The following UHRF2 variants were observed in gnomAD, a reference collection of about 807,000 sequenced individuals.
The protein encoded by UHRF2 is E3 ubiquitin-protein ligase UHRF2.
In UHRF2, 23 loss-of-function variants were observed where a neutral mutation model predicts 96.8. The ratio of observed to expected loss-of-function variants is 0.24; its 90% CI spans 0.17 to 0.34. The LOEUF (loss-of-function observed/expected upper bound fraction) is 0.34, where lower values mean the gene tolerates loss of function less well. Among genes scored for constraint, UHRF2 ranks in the 10% least tolerant of loss-of-function variants. The pLI, the probability that UHRF2 is intolerant of heterozygous loss-of-function variation, is 1.00. For synonymous variants in UHRF2, 385 were observed against 332.6 expected, an observed-to-expected ratio of 1.16 and a Z score of -1.72; for missense variants, 685 against 981.5, an observed-to-expected ratio of 0.70 and a Z score of 4.04.
intron 2 of UHRF2, among the ~76,000 whole-genome samples, chr9:6,430,906 C>T (rs188361864): frequency 6.6e-6 from 1 of 152,280 alleles, no homozygotes; most frequent in East Asian, 1.9e-4. Flanking sequence ...CACTTAGTTA[C>T]ATCAATAAAT....
chr9:6,461,434 A>T (rs960412436), intron 4 of UHRF2, among the ~76,000 whole-genome samples: 10 of 132,022 alleles, frequency 7.6e-5, no homozygotes, highest in Admixed American at 1.8e-4. Context: ...GTGCAGCGGC[A>T]TGATCTTGGC....
intron 1 of UHRF2, 72 bp downstream of exon 1, chr9:6,413,715 C>T: frequency 1.5e-6 from 2 of 1,374,684 alleles, no homozygotes; most frequent in Non-Finnish European, 1.9e-6. Context: ...ACGCACCGGT[C>T]CGAGGGCTCT....
intron 8 of UHRF2, chr9:6,484,785 C>CTTTTTTTTTTTTTTTTTTTTTTTTTTTA (rs34815980): frequency 1.5e-5 from 1 of 66,278 alleles, no homozygotes; most frequent in Non-Finnish European, 2.7e-5. Context: ...TCACTTCTTT[C>CTTTTTTTTTTTTTTTTTTTTTTTTTTTA]TTTTTTTTTT....
At chr9:6,469,715 C>CAT (rs1213727136) in intron 4 of UHRF2, among the ~76,000 whole-genome samples, 5 of 91,020 alleles carry the variant, frequency 5.5e-5, no homozygotes, top group South Asian at 2.8e-4. Context: ...CATATACACA[C>CAT]ATATATGTGC....
At chr9:6,477,944 A>G (rs1307568289) in intron 6 of UHRF2, 136 bp downstream of exon 6, 1 of 697,518 alleles carries the variant, frequency 1.4e-6, no homozygotes. Context: ...GTTACTTAGC[A>G]TTCATAGCTC....
At chr9:6,462,694 G>A (rs1463548994) in intron 4 of UHRF2, among the ~76,000 whole-genome samples, 5 of 152,194 alleles carry the variant, frequency 3.3e-5, no homozygotes, top group African/African-American at 9.6e-5. Context: ...CAAGGTGGGC[G>A]GATCATGAGG....
chr9:6,432,547 ATTTCTCAGAGCC>A lies in UHRF2; in HGVS notation c.385-1363_385-1352del, dbSNP rs567426398. On this transcript the variant is annotated intron_variant, in intron 2 of 15. Coordinates refer to ENST00000276893, the MANE Select transcript of UHRF2 (RefSeq NM_152896.3). ...ATTAGCTTTAACCTAGAGGAAGTTAATTTCTCAGAGCCTTTGTTTCCGTATTTTGTAAAATAG... is the reference window on the plus strand; with the variant it reads ...ATTAGCTTTAACCTAGAGGAAGTTAATTTGTTTCCGTATTTTGTAAAATAG... Among the ~76,000 whole-genome samples the A allele has an allele frequency of 1.5e-3, 231 of 152,274 alleles. 2 individuals carry two copies. Among genetic ancestry groups the A allele is most frequent in the African/African-American group, 5.3e-3 (219 of 41,550 alleles).
chr9:6,499,559 A>G (rs1825155263), intron 12 of UHRF2: 1 of 204,568 alleles, frequency 4.9e-6, no homozygotes, highest in Non-Finnish European at 9.9e-6. Context: ...ATCTAATCAC[A>G]ACTCCTGAAG....
At chr9:6,429,100 G>C (rs1302064874) in intron 2 of UHRF2, among the ~76,000 whole-genome samples, 1 of 152,040 alleles carries the variant, frequency 6.6e-6, no homozygotes, top group Non-Finnish European at 1.5e-5. Flanking sequence ...GGGAGGCAGA[G>C]GTCGCAGTGA....
chr9:6,460,030 C>T (rs1037996933), intron 3 of UHRF2, among the ~76,000 whole-genome samples: 8 of 152,190 alleles, frequency 5.3e-5, no homozygotes, highest in African/African-American at 1.2e-4. Context: ...ATGTTTTTAT[C>T]ACCCTCCCCA....
At chr9:6,466,612 G>A (rs1239618383) in intron 4 of UHRF2, among the ~76,000 whole-genome samples, 6 of 145,120 alleles carry the variant, frequency 4.1e-5, no homozygotes, top group Non-Finnish European at 7.5e-5. Context: ...TTTTTACAGA[G>A]TTTTATGTAT....
intron 3 of UHRF2, among the ~76,000 whole-genome samples, 175 bp from the exon 4 acceptor site, chr9:6,460,398 G>A (rs1324846781): frequency 1.3e-5 from 2 of 152,152 alleles, no homozygotes; most frequent in African/African-American, 4.8e-5. Context: ...TGTAGGTATC[G>A]CAGTACAGGT....
chr9:6,483,362 G>T (rs1008817310), intron 8 of UHRF2, among the ~76,000 whole-genome samples: 5 of 151,118 alleles, frequency 3.3e-5, no homozygotes, highest in African/African-American at 1.2e-4. Context: ...TTATACAATG[G>T]TGCAGTATTT....
intron 3 of UHRF2, among the ~76,000 whole-genome samples, chr9:6,448,701 T>G (rs937678694): frequency 1.4e-4 from 21 of 152,220 alleles, no homozygotes; most frequent in African/African-American, 3.9e-4. Context: ...GCATGCTGTT[T>G]GAAAATGTGG....
At chr9:6,450,942 C>A (rs186939785) in intron 3 of UHRF2, among the ~76,000 whole-genome samples, 1 of 152,024 alleles carries the variant, frequency 6.6e-6, no homozygotes, top group Non-Finnish European at 1.5e-5. Context: ...TAGGTCTTTT[C>A]GTTGGAAAAG....
chr9:6,486,797 A>C (rs1291443036), intron 8 of UHRF2, 24 bp from the exon 9 acceptor site: 1 of 1,609,064 alleles, frequency 6.2e-7, no homozygotes, highest in Admixed American at 1.7e-5. Context: ...AGGTATTTTG[A>C]GACTCTCTTT....
Position 6,433,850 on chromosome 9 carries a change from C to T in UHRF2, c.385-64C>T. ...GATAACCCACAAATAACTTGAGTTACATTAAGGTTTTTGAAGCAGTAGACA... is the reference window on the plus strand; with the variant it reads ...GATAACCCACAAATAACTTGAGTTATATTAAGGTTTTTGAAGCAGTAGACA... On this transcript the variant is annotated intron_variant, in intron 2 of 15. Coordinates refer to ENST00000276893, the MANE Select transcript of UHRF2 (RefSeq NM_152896.3). 2.0e-6 allele frequency: 3 copies of T among 1,533,542 alleles called. No individual in the cohort carries two copies. In the South Asian group the frequency reaches 3.7e-5, roughly 19 times the overall value. The allele number at this position is 1,533,542 out of a possible 1,614,324, so 95.0% of individuals were successfully genotyped here.
intron 4 of UHRF2, chr9:6,468,635 A>T: frequency 2.2e-6 from 1 of 456,090 alleles, no homozygotes; most frequent in Non-Finnish European, 4.4e-6. Context: ...TGCCTCAAGC[A>T]TATGGCCTGC....
chr9:6,460,646 A>C lies in UHRF2; in HGVS notation c.718A>C (p.Asn240His). 1 of 1,613,524 alleles carries C rather than the reference A, an allele frequency of 6.2e-7. No homozygotes were observed. The highest frequency in any genetic ancestry group is 8.5e-7 in the Non-Finnish European group (1 of 1,179,908). The change falls in exon 4 of 16, where the codon AAT (asparagine) becomes CAT (histidine). Residue 240 changes from asparagine to histidine, a missense_variant. Asn to His is a moderately conservative substitution (Grantham distance 68). Coordinates refer to ENST00000276893, the MANE Select transcript of UHRF2 (RefSeq NM_152896.3). Reference sequence around the variant, plus strand: ...ACGAGCTAGAACCATTTTGAAATGGAATGAACTAAATGTTGGTGATGTGGT... The same window carrying C: ...ACGAGCTAGAACCATTTTGAAATGGCATGAACTAAATGTTGGTGATGTGGT... ...RPRARTILKW[N>H]ELNVGDVVMV... is the part of the protein sequence containing the mutation.
Sources: gnomAD v4.1 joint callset for allele counts (sites outside exome capture counted in the v4.1 genomes callset) on GRCh38, gnomAD v4.1.1 for gene constraint, MANE v1.5 for transcripts, NCBI Gene and HGNC (gene_info 2026-07-23, HGNC 2026-07-21) for gene names.